The following NUP188 variants were observed in gnomAD, a reference collection of about 807,000 sequenced individuals.
NUP188 encodes nucleoporin 188, also known as nucleoporin NUP188.
A neutral mutation model predicts 223.0 loss-of-function variants in NUP188; 97 were observed. That is an observed-to-expected ratio of 0.43 (90% CI 0.37 to 0.51). The LOEUF is 0.51. NUP188 is among the 20% of genes least tolerant of loss of function. NUP188 has a pLI of 0.00. For synonymous variants in NUP188, 869 were observed against 828.0 expected, an observed-to-expected ratio of 1.05 and a Z score of -0.85; for missense variants, 1,947 against 2,175.6, an observed-to-expected ratio of 0.89 and a Z score of 2.09.
intron 13 of NUP188, among the ~76,000 whole-genome samples, chr9:128,980,235 C>G (rs529010393): frequency 6.6e-6 from 1 of 152,248 alleles, no homozygotes; most frequent in African/African-American, 2.4e-5. Context: ...GAAGGAGAAG[C>G]TGGTATGAAA....
intron 30 of NUP188, among the ~76,000 whole-genome samples, chr9:128,997,744 C>T (rs1280561268): frequency 1.3e-5 from 2 of 151,280 alleles, no homozygotes; most frequent in Admixed American, 6.6e-5. Context: ...TTATTTAAGA[C>T]GGAGTCTCTC....
chr9:128,953,301 C>T (rs1841821813), intron 3 of NUP188, among the ~76,000 whole-genome samples: 1 of 152,134 alleles, frequency 6.6e-6, no homozygotes, highest in Non-Finnish European at 1.5e-5. Context: ...TACTTTTATT[C>T]TTTGGGTGAA....
chr9:128,981,445 C>G, intron 15 of NUP188, 55 bp downstream of exon 15: 2 of 1,538,110 alleles, frequency 1.3e-6, no homozygotes, highest in Non-Finnish European at 1.8e-6. Flanking sequence ...TGATGTCTTG[C>G]TCTGTCACCC....
chr9:128,974,981 G>A (rs1453800636), intron 12 of NUP188, among the ~76,000 whole-genome samples: 2 of 151,554 alleles, frequency 1.3e-5, no homozygotes, highest in Admixed American at 1.3e-4. Context: ...GGCTGGTCCC[G>A]AACTCCTGAC....
At chr9:128,986,787 C>T in intron 21 of NUP188, 22 bp from the exon 22 acceptor site, 1 of 1,614,040 alleles carries the variant, frequency 6.2e-7, no homozygotes, top group Non-Finnish European at 8.5e-7. Flanking sequence ...CACATCATTC[C>T]TCTGTCTTTT....
Position 128,968,371 on chromosome 9 carries a change from T to G in NUP188, c.586-135T>G. 5 of 666,150 alleles carry G rather than the reference T, an allele frequency of 7.5e-6. No individual in the cohort carries two copies. The Admixed American group carries it at 1.1e-4, about 15-fold the overall frequency. 41.3% of individuals were successfully genotyped at this position (666,150 alleles called of 1,614,324 possible). A position where few individuals can be genotyped will look rare whatever the true frequency, so the allele number is the denominator to read the frequency against. ...TAGGAGGATCAGTTGCGTGTAGCAGTTTGAGCAGCCATAATCTGCCACTGC... is the reference window on the plus strand; with the variant it reads ...TAGGAGGATCAGTTGCGTGTAGCAGGTTGAGCAGCCATAATCTGCCACTGC... On this transcript the variant is annotated intron_variant, in intron 8 of 43. Coordinates refer to ENST00000372577, the MANE Select transcript of NUP188 (RefSeq NM_015354.3).
intron 10 of NUP188, 123 bp from the exon 11 acceptor site, chr9:128,970,635 A>G (rs1249619764): frequency 1.4e-6 from 1 of 737,916 alleles, no homozygotes; most frequent in Admixed American, 2.2e-5. Flanking sequence ...GAAGAGTGAA[A>G]TATCAGAATG....
At chr9:128,978,266 T>G (rs919030323) in intron 12 of NUP188, among the ~76,000 whole-genome samples, 1 of 151,506 alleles carries the variant, frequency 6.6e-6, no homozygotes, top group Non-Finnish European at 1.5e-5. Context: ...ACTTACATAC[T>G]TATATACAAA....
At chr9:128,983,946 C>T (rs975144166) in intron 19 of NUP188, among the ~76,000 whole-genome samples, 5 of 151,442 alleles carry the variant, frequency 3.3e-5, no homozygotes, top group East Asian at 3.9e-4. Context: ...TCAGCCTCCC[C>T]GGTAGCCAGG....
chr9:128,999,405 A>C, intron 33 of NUP188, 88 bp downstream of exon 33: 4 of 1,508,314 alleles, frequency 2.7e-6, no homozygotes, highest in Non-Finnish European at 3.6e-6. Flanking sequence ...TTAGGGCCAC[A>C]CATTTCTTCT....
At chr9:128,998,411 T>C in intron 31 of NUP188, 127 bp from the exon 32 acceptor site, 2 of 1,023,806 alleles carry the variant, frequency 2.0e-6, no homozygotes, top group Admixed American at 1.8e-5. Context: ...CAACCCTGGC[T>C]TCTCCCCCTC....
intron 12 of NUP188, among the ~76,000 whole-genome samples, chr9:128,974,430 T>C (rs910108468): frequency 4.0e-5 from 6 of 150,208 alleles, no homozygotes; most frequent in African/African-American, 1.2e-4. Context: ...CTCACTGTGT[T>C]GCCCAGGCTG....
chr9:128,984,123 G>GTTTTTTTTTTTTTT (rs1564560013), intron 19 of NUP188, among the ~76,000 whole-genome samples: 1 of 106,526 alleles, frequency 9.4e-6, no homozygotes, highest in African/African-American at 5.9e-5. Context: ...CGCCTGGCCT[G>GTTTTTTTTTTTTTT]ATTTTTTTTT....
Position 128,982,546 on chromosome 9 carries a change from C to T in NUP188, c.1517-3C>T. The stretch of plus-strand genomic sequence containing the variant: ...ATTAGACTAATTTATCTTTCTCTCT[C>T]AGGGGGTCAAACCAACCTTCGCATA... On this transcript the variant is annotated splice_region_variant and splice_polypyrimidine_tract_variant and intron_variant, in intron 15 of 43. Transcript: ENST00000372577. The T allele has an allele frequency of 1.2e-6, 2 of 1,607,906 alleles. No individual in the cohort carries two copies. The highest frequency in any genetic ancestry group is 1.7e-6 in the Non-Finnish European group (2 of 1,177,800).
At chr9:128,987,817 G>C in intron 23 of NUP188, 100 bp downstream of exon 23, 5 of 1,463,316 alleles carry the variant, frequency 3.4e-6, no homozygotes, top group Non-Finnish European at 4.7e-6. Context: ...TTTAGAAGAC[G>C]ACATTGTTCT....
intron 8 of NUP188, among the ~76,000 whole-genome samples, chr9:128,963,659 T>C (rs1841985403): frequency 6.6e-6 from 1 of 152,214 alleles, no homozygotes; most frequent in African/African-American, 2.4e-5. Flanking sequence ...AATAAGTATA[T>C]AGTAATATCT....
In NUP188 at chr9:129,002,841, C is replaced by T; in HGVS notation, c.4162C>T (p.Leu1388=). 6.2e-7 allele frequency: 1 copy of T among 1,614,216 alleles called. No homozygotes were observed. The highest frequency in any genetic ancestry group is 8.5e-7 in the Non-Finnish European group (1 of 1,180,028). ...AQTPSASRKS[L]DAPSWPGVYR... ...GACACCTAGTGCCTCTCGGAAGTCCCTGGATGCCCCCTCTTGGCCAGGAGT... is the reference window on the plus strand; with the variant it reads ...GACACCTAGTGCCTCTCGGAAGTCCTTGGATGCCCCCTCTTGGCCAGGAGT... The change falls in exon 37 of 44, where the codon CTG becomes TTG. Residue 1388 remains leucine, a synonymous_variant. Coordinates refer to ENST00000372577, the MANE Select transcript of NUP188 (RefSeq NM_015354.3).
At chr9:128,987,508 C>T (rs1842354875) in intron 22 of NUP188, 81 bp from the exon 23 acceptor site, 1 of 1,456,582 alleles carries the variant, frequency 6.9e-7, no homozygotes. Context: ...GGTTAGCCAC[C>T]CTAGCCTAAT....
chr9:128,952,429 A>G (rs1294934679), intron 2 of NUP188, among the ~76,000 whole-genome samples: 3 of 151,418 alleles, frequency 2.0e-5, no homozygotes, highest in Non-Finnish European at 4.4e-5. Context: ...AAGCACAAAA[A>G]ACTGCATTTG....
Sources: allele counts gnomAD v4.1 joint callset (sites outside exome capture counted in the v4.1 genomes callset), GRCh38; gene constraint gnomAD v4.1.1; transcripts MANE v1.5; gene names NCBI Gene and HGNC (gene_info 2026-07-23, HGNC 2026-07-21).